FRAS1: variants seen among roughly 807,000 people sequenced by gnomAD.
The protein encoded by FRAS1 is extracellular matrix organizing protein FRAS1.
FRAS1 carries 290 observed loss-of-function variants against 435.2 expected under a neutral mutation model. That is an observed-to-expected ratio of 0.67 (90% CI 0.61 to 0.73). The LOEUF (loss-of-function observed/expected upper bound fraction) is 0.73, where lower values mean the gene tolerates loss of function less well. Among genes scored for constraint, FRAS1 ranks in the 30% least tolerant of loss-of-function variants. The pLI, the probability that FRAS1 is intolerant of heterozygous loss-of-function variation, is 0.00. For synonymous variants in FRAS1, 1,800 were observed against 1,851.0 expected (o/e 0.97, Z 0.71); for missense variants, 4,860 against 5,001.5 (o/e 0.97, Z 0.85).
intron 7 of FRAS1, among the ~76,000 whole-genome samples, chr4:78,265,925 G>T (rs1278229921): frequency 1.1e-4 from 17 of 152,160 alleles, no homozygotes; most frequent in Non-Finnish European, 4.4e-5. Context: ...ATAACTAATT[G>T]GGAAGGATTT....
At chr4:78,488,218 C>T (rs945653666) in intron 58 of FRAS1, among the ~76,000 whole-genome samples, 3 of 152,158 alleles carry the variant, frequency 2.0e-5, no homozygotes, top group African/African-American at 7.2e-5. Flanking sequence ...TTTGTTTGTC[C>T]CAAATAGTTT....
chr4:78,313,582 A>G, intron 15 of FRAS1, among the ~76,000 whole-genome samples: 1 of 151,670 alleles, frequency 6.6e-6, no homozygotes, highest in East Asian at 1.9e-4. Flanking sequence ...CTGTGACTGC[A>G]CTCTCCCTCA....
intron 3 of FRAS1, among the ~76,000 whole-genome samples, chr4:78,242,994 T>C (rs898277837): frequency 1.3e-5 from 2 of 152,026 alleles, no homozygotes; most frequent in Admixed American, 6.6e-5. Flanking sequence ...AACACAAAGG[T>C]ATTTAGAACC....
intron 2 of FRAS1, among the ~76,000 whole-genome samples, chr4:78,176,844 G>T (rs1197182207): frequency 6.6e-6 from 1 of 152,224 alleles, no homozygotes; most frequent in African/African-American, 2.4e-5. Context: ...AGCATGTCAA[G>T]AAAGAGCCTT....
At chr4:78,132,963 C>T (rs866207278) in intron 2 of FRAS1, among the ~76,000 whole-genome samples, 1 of 152,120 alleles carries the variant, frequency 6.6e-6, no homozygotes. Context: ...ACTTCTCAGC[C>T]CTCCTTTCAT....
At chr4:78,209,986 G>A (rs1211648690) in intron 2 of FRAS1, among the ~76,000 whole-genome samples, 1 of 152,150 alleles carries the variant, frequency 6.6e-6, no homozygotes, top group Non-Finnish European at 1.5e-5. Context: ...AAATAGCAGA[G>A]TTGCCTAAGC....
rs918160348 is a variant in FRAS1 at position 78,373,142 on chromosome 4, T to A, written c.3010+284T>A. Among the ~76,000 whole-genome samples, 19 of 152,178 alleles carry A rather than the reference T, an allele frequency of 1.2e-4. 1 individual carries two copies. The highest frequency in any genetic ancestry group is 7.9e-4 in the Admixed American group (12 of 15,278). ...TGTTACTTTCAGATTTTCTTAAAAA[T>A]TGAACAGTCAGGTCCTCCAGGTGGG... On this transcript the variant is annotated intron_variant, in intron 24 of 73. Transcript: ENST00000512123.
Position 78,422,028 on chromosome 4 carries a change from A to T in FRAS1, c.4678+28A>T, listed in dbSNP as rs755966080. On this transcript the variant is annotated intron_variant, in intron 34 of 73. Coordinates refer to ENST00000512123, the MANE Select transcript of FRAS1 (RefSeq NM_025074.7). ...AATGCTCTCCTCTCTGCTTTGAGGC[A>T]CCCAACTGCTCTCTGTGGCTCTACA... 5.7e-6 allele frequency: 9 copies of T among 1,566,476 alleles called. No homozygotes were observed. The Admixed American group carries it at 1.6e-4, about 27-fold the overall frequency.
intron 58 of FRAS1, among the ~76,000 whole-genome samples, chr4:78,487,035 T>G (rs944744137): frequency 6.6e-6 from 1 of 152,144 alleles, no homozygotes; most frequent in African/African-American, 2.4e-5. Context: ...ATCTAAAGCT[T>G]CAGATATCTG....
intron 2 of FRAS1, among the ~76,000 whole-genome samples, chr4:78,170,416 A>G (rs1233469080): frequency 1.3e-5 from 2 of 152,090 alleles, no homozygotes; most frequent in Non-Finnish European, 2.9e-5. Flanking sequence ...TTGTCACTTC[A>G]TTTCATGTTG....
chr4:78,159,659 T>C (rs180767972), intron 2 of FRAS1, among the ~76,000 whole-genome samples: 15 of 152,262 alleles, frequency 9.9e-5, no homozygotes, highest in African/African-American at 3.6e-4. Flanking sequence ...GGAGGGTAGA[T>C]CACTTGAGGT....
rs1488404070 is a variant in FRAS1 at position 78,143,736 on chromosome 4, AAAT to A, written c.108+77726_108+77728del. 4.5e-4 allele frequency among the ~76,000 whole-genome samples: 61 copies of A among 135,738 alleles called. 1 individual carries two copies. Among genetic ancestry groups the A allele is most frequent in the Admixed American group, 9.3e-4 (12 of 12,916 alleles). 89.0% of individuals were successfully genotyped at this position (135,738 alleles called of 152,430 possible). A position where few individuals can be genotyped will look rare whatever the true frequency, so the allele number is the denominator to read the frequency against. The stretch of plus-strand genomic sequence containing the variant: ...CATGATGAGACCCTGTCTCTACTAA[AAAT>A]AATAAAAAAAAAAAAATAGCTAAGT... On this transcript the variant is annotated intron_variant, in intron 2 of 73. Coordinates refer to ENST00000512123, the MANE Select transcript of FRAS1 (RefSeq NM_025074.7).
intron 2 of FRAS1, among the ~76,000 whole-genome samples, chr4:78,109,550 C>G (rs1446228208): frequency 8.7e-5 from 12 of 137,260 alleles, no homozygotes; most frequent in Non-Finnish European, 1.7e-4. Flanking sequence ...AATTCAACAA[C>G]CCTTCATGCT....
chr4:78,314,512 C>T (rs555226769), intron 15 of FRAS1, among the ~76,000 whole-genome samples: 57 of 152,284 alleles, frequency 3.7e-4, no homozygotes, highest in African/African-American at 1.3e-3. Context: ...CCTCTTTACC[C>T]TCCAAACTGA....
chr4:78,074,595 G>A (rs1014975398), intron 2 of FRAS1, among the ~76,000 whole-genome samples: 2 of 151,966 alleles, frequency 1.3e-5, no homozygotes, highest in African/African-American at 2.4e-5. Flanking sequence ...TTTCTGTGTT[G>A]GCAGAGTCCT....
At chr4:78,432,823 G>A (rs969324883) in intron 38 of FRAS1, among the ~76,000 whole-genome samples, 10 of 152,210 alleles carry the variant, frequency 6.6e-5, no homozygotes, top group African/African-American at 1.2e-4. Flanking sequence ...GAGAAAACAC[G>A]ATGAGTATGT....
chr4:78,299,622 C>T (rs1291071388), intron 14 of FRAS1, among the ~76,000 whole-genome samples: 1 of 152,162 alleles, frequency 6.6e-6, no homozygotes, highest in Non-Finnish European at 1.5e-5. Context: ...GATTTCATCC[C>T]CTACAGATGT....
chr4:78,446,066 T>C (rs1718817561), intron 42 of FRAS1: 1 of 1,141,676 alleles, frequency 8.8e-7, no homozygotes, highest in Non-Finnish European at 1.1e-6. Flanking sequence ...TGCCTTTTCT[T>C]ATTTTACTGC....
chr4:78,066,836 G>A (rs1740063512), intron 2 of FRAS1, among the ~76,000 whole-genome samples: 1 of 152,170 alleles, frequency 6.6e-6, no homozygotes, highest in Non-Finnish European at 1.5e-5. Flanking sequence ...TATTGAAATA[G>A]CTGAGGAATA....
Sources: gnomAD v4.1 joint callset for allele counts (sites outside exome capture counted in the v4.1 genomes callset) on GRCh38, gnomAD v4.1.1 for gene constraint, MANE v1.5 for transcripts, NCBI Gene and HGNC (gene_info 2026-07-23, HGNC 2026-07-21) for gene names.